CRYBG2: variants seen among roughly 807,000 people sequenced by gnomAD.
The protein encoded by CRYBG2 is crystallin beta-gamma domain containing 2.
CRYBG2 carries 106 observed loss-of-function variants against 153.4 expected under a neutral mutation model. The ratio of observed to expected loss-of-function variants is 0.69; its 90% confidence interval spans 0.59 to 0.81. The LOEUF is 0.81. Ranked by LOEUF, CRYBG2 falls within the 30% of genes least tolerant of loss-of-function variation. The probability of loss-of-function intolerance (pLI) is 0.00; values close to 1 mark genes in which losing one functional copy is unlikely to be tolerated. For synonymous variants in CRYBG2, 851 were observed against 877.8 expected, an observed-to-expected ratio of 0.97 and a Z score of 0.54; for missense variants, 1,996 against 2,112.0, an observed-to-expected ratio of 0.95 and a Z score of 1.08.
At position 26,346,674 on chromosome 1, in the gene CRYBG2, C is replaced by A; in HGVS notation, c.-17G>T. 6.6e-7 allele frequency: 1 copy of A among 1,520,410 alleles called. No homozygotes were observed. The highest frequency in any genetic ancestry group is 8.8e-7 in the Non-Finnish European group (1 of 1,131,172). The allele number at this position is 1,520,410 out of a possible 1,614,324, so 94.2% of individuals were successfully genotyped here. A position where few individuals can be genotyped will look rare whatever the true frequency, so the allele number is the denominator to read the frequency against. Reference sequence around the variant, plus strand: ...CTCCTCCATGTGGGGCCCTGGCAACCTGTCTGGAGGTGTCCTTGTCCCACT... The same window carrying A: ...CTCCTCCATGTGGGGCCCTGGCAACATGTCTGGAGGTGTCCTTGTCCCACT... On this transcript the variant is annotated 5_prime_UTR_variant, in exon 2 of 20. In the 5' UTR this introduces an upstream ATG that the reference lacks. Transcript: ENST00000308182. This position sits in a 1 kb window ranked among gnomAD's most constrained non-coding sequence, Gnocchi z 4.9.
chr1:26,346,911 C>T lies in CRYBG2; in HGVS notation c.-55-199G>A, dbSNP rs372459073. 3.3e-5 allele frequency among the ~76,000 whole-genome samples: 5 copies of T among 152,232 alleles called. No homozygotes were observed. The highest frequency in any genetic ancestry group is 2.0e-4 in the Admixed American group (3 of 15,290). Reference sequence around the variant, plus strand: ...GTTGATCAGAGCCCCTCATCCATCCCTCTCCCTGACTTTCAGGTGATCTCC... The same window carrying T: ...GTTGATCAGAGCCCCTCATCCATCCTTCTCCCTGACTTTCAGGTGATCTCC... On this transcript the variant is annotated intron_variant, in intron 1 of 19. Transcript: ENST00000308182. This position sits in a 1 kb window ranked among gnomAD's most constrained non-coding sequence, Gnocchi z 4.9.
chr1:26,344,562 A>G lies in CRYBG2; in HGVS notation c.2096T>C (p.Val699Ala). 6.5e-7 allele frequency: 1 copy of G among 1,541,626 alleles called. No homozygotes were observed. Among genetic ancestry groups the G allele is most frequent in the Middle Eastern group, 1.7e-4 (1 of 5,990 alleles). ...GGCAGGGAGAGCATCAGGGTCCTGC[A>G]CAACCTCTTTCTGGGTGAGAGATGA... is the stretch of plus-strand genomic sequence containing the variant. ...PISSLTQKEV[V>A]QDPDALPAPS... Residue 699 changes from valine to alanine, a missense_variant, in exon 2 of 20, where the codon GTG becomes GCG. Physicochemically the swap from Val to Ala is moderately conservative, Grantham distance 64 (BLOSUM62 0). Transcript: ENST00000308182.
In CRYBG2 at chr1:26,343,850, A is replaced by G; in HGVS notation, c.2808T>C (p.His936=). 1.3e-6 allele frequency: 2 copies of G among 1,481,912 alleles called. No individual in the cohort carries two copies. The highest frequency in any genetic ancestry group is 1.8e-6 in the Non-Finnish European group (2 of 1,112,918). 91.8% of individuals were successfully genotyped at this position (1,481,912 alleles called of 1,614,324 possible). ...GCACCTTCCTGAGCCCCGGTGCCCCATGGGGCAGCAGAGCAGATAGTTTTG... is the reference window on the plus strand; with the variant it reads ...GCACCTTCCTGAGCCCCGGTGCCCCGTGGGGCAGCAGAGCAGATAGTTTTG... The part of the protein sequence containing the change: ...LGTKLSALLP[H]GAPGLRKVPG... The change falls in exon 2 of 20, where the codon CAT becomes CAC. Residue 936 remains histidine, a synonymous_variant. Transcript: ENST00000308182. The surrounding 1 kb of genome is among the most constrained non-coding windows in gnomAD (Gnocchi z 4.1).
At chr1:26,332,569 C>A (rs1172842339) in intron 14 of CRYBG2, among the ~76,000 whole-genome samples, 1 of 151,904 alleles carries the variant, frequency 6.6e-6, no homozygotes, top group Admixed American at 6.6e-5. Context: ...TGCAATGGCG[C>A]GATCTCAGCT....
Position 26,345,978 on chromosome 1 carries a change from C to G in CRYBG2, c.680G>C (p.Gly227Ala), listed in dbSNP as rs756918046. ...CACGGCCTGGCTGCGGCTGGGCGAGCCTGGTGGGGAGCCCACCACCACTGG... is the reference window on the plus strand; with the variant it reads ...CACGGCCTGGCTGCGGCTGGGCGAGGCTGGTGGGGAGCCCACCACCACTGG... ...VPPVVVGSPP[G>A]SPSRSQAVKV... The change falls in exon 2 of 20, where the codon GGC becomes GCC. Residue 227 changes from glycine (G) to alanine (A), a missense_variant. Physicochemically the swap from Gly to Ala is moderately conservative, Grantham distance 60. Transcript: ENST00000308182. The G allele has an allele frequency of 1.3e-6, 2 of 1,593,536 alleles. No individual in the cohort carries two copies. Among genetic ancestry groups the G allele is most frequent in the South Asian group, 2.2e-5 (2 of 90,736 alleles).
chr1:26,344,359 A>G lies in CRYBG2; in HGVS notation c.2299T>C (p.Phe767Leu), dbSNP rs1392695839. The change falls in exon 2 of 20, where the codon TTC (phenylalanine) becomes CTC (leucine). Residue 767 changes from phenylalanine (F) to leucine (L), a missense_variant. Phe to Leu is a conservative substitution (Grantham distance 22). Coordinates refer to ENST00000308182, the MANE Select transcript of CRYBG2 (RefSeq NM_001039775.4). Reference protein sequence around the residue: ...EVALAADLEIFLDTLRSMEPP... With the variant: ...EVALAADLEILLDTLRSMEPP... The stretch of plus-strand genomic sequence containing the variant: ...TCCATGCTCCGCAGCGTATCCAGGA[A>G]TATCTCCAGGTCAGCGGCCAGGGCC... The G allele has an allele frequency of 3.3e-6, 5 of 1,508,620 alleles. No homozygotes were observed. The highest frequency in any genetic ancestry group is 4.4e-6 in the Non-Finnish European group (5 of 1,125,584). 93.5% of individuals were successfully genotyped at this position (1,508,620 alleles called of 1,614,324 possible).
chr1:26,346,571 C>A lies in CRYBG2; in HGVS notation c.87G>T (p.Gln29His). Residue 29 changes from glutamine (Q) to histidine (H), a missense_variant, in exon 2 of 20, where the codon CAG (glutamine) becomes CAT (histidine). Transcript: ENST00000308182. The surrounding 1 kb of genome is among the most constrained non-coding windows in gnomAD (Gnocchi z 4.9). The stretch of plus-strand genomic sequence containing the variant: ...TGTGAAAACCATGTTTGATCTCTTC[C>A]TGGGTGGGGGGCCGCTGCCGCCATG... ...TLTWRQRPPT[Q>H]EEIKHGFHKV... 1 of 1,605,492 alleles carries A rather than the reference C, an allele frequency of 6.2e-7. No individual in the cohort carries two copies. The highest frequency in any genetic ancestry group is 1.3e-5 in the African/African-American group (1 of 74,872).
rs1431206747 is a variant in CRYBG2, at chr1:26,336,335, T to C, written c.4071+3A>G. On this transcript the variant is annotated splice_donor_region_variant and intron_variant, in intron 13 of 19. Coordinates refer to ENST00000308182, the MANE Select transcript of CRYBG2 (RefSeq NM_001039775.4). This position sits in a 1 kb window ranked among gnomAD's most constrained non-coding sequence, Gnocchi z 4.9. The stretch of plus-strand genomic sequence containing the variant: ...GCGGCTCCCTGCGGAGTCCCTGCCT[T>C]ACCTTTGAGACGAAGTGCAGATCGT... 1 of 1,613,568 alleles carries C rather than the reference T, an allele frequency of 6.2e-7. No individual in the cohort carries two copies. The highest frequency in any genetic ancestry group is 1.1e-5 in the South Asian group (1 of 90,904).
At chr1:26,333,397 C>A (rs2074021496) in intron 14 of CRYBG2, among the ~76,000 whole-genome samples, 1 of 152,108 alleles carries the variant, frequency 6.6e-6, no homozygotes, top group Non-Finnish European at 1.5e-5. Flanking sequence ...GAAACCCCAT[C>A]TCTGCTAAAA....
chr1:26,343,895 G>A lies in CRYBG2; in HGVS notation c.2763C>T (p.Ser921=), dbSNP rs1431898071. 6.5e-7 allele frequency: 1 copy of A among 1,528,920 alleles called. No individual in the cohort carries two copies. 94.7% of individuals were successfully genotyped at this position (1,528,920 alleles called of 1,614,324 possible). A position where few individuals can be genotyped will look rare whatever the true frequency, so the allele number is the denominator to read the frequency against. ...GSLVPTAKEA[S]TPEPLGTKLS... is the part of the protein sequence containing the mutation. Reference sequence around the variant, plus strand: ...GTTTTGTGCCCAGCGGTTCCGGGGTGGAGGCCTCCTTGGCGGTAGGCACCA... The same window carrying A: ...GTTTTGTGCCCAGCGGTTCCGGGGTAGAGGCCTCCTTGGCGGTAGGCACCA... Residue 921 remains serine (S), a synonymous_variant, in exon 2 of 20, where the codon TCC becomes TCT. Coordinates refer to ENST00000308182, the MANE Select transcript of CRYBG2 (RefSeq NM_001039775.4). The surrounding 1 kb of genome is among the most constrained non-coding windows in gnomAD (Gnocchi z 4.1).
Position 26,336,122 on chromosome 1 carries a change from G to A in CRYBG2, c.4157C>T (p.Pro1386Leu). The A allele has an allele frequency of 1.3e-6, 2 of 1,516,562 alleles. No individual in the cohort carries two copies. The highest frequency in any genetic ancestry group is 2.5e-5 in the East Asian group (1 of 40,656). 93.9% of individuals were successfully genotyped at this position (1,516,562 alleles called of 1,614,324 possible). A position where few individuals can be genotyped will look rare whatever the true frequency, so the allele number is the denominator to read the frequency against. ...DQAALPASFR[P>L]QSCRVHGGSW... is the part of the protein sequence containing the mutation. ...GCCGCCGTGGACCCGGCAGGACTGA[G>A]GTCGGAAGGAGGCGGGCAGAGCGGC... Residue 1386 changes from proline (P) to leucine (L), a missense_variant, in exon 14 of 20, where the codon CCT becomes CTT. Transcript: ENST00000308182. This position sits in a 1 kb window ranked among gnomAD's most constrained non-coding sequence, Gnocchi z 4.9.
At chr1:26,326,053 T>C (rs2073921309) in intron 17 of CRYBG2, among the ~76,000 whole-genome samples, 1 of 151,988 alleles carries the variant, frequency 6.6e-6, no homozygotes, top group African/African-American at 2.4e-5. Context: ...CACACCTAGC[T>C]CATTTCTTTT....
rs1417720322 is a variant in CRYBG2, at chr1:26,325,732, C to T, written c.4579-1422G>A. ...GGGAACATGCATGCACACACACATACACACAGAGCCCATGGCCTTACCATT... is the reference window on the plus strand; with the variant it reads ...GGGAACATGCATGCACACACACATATACACAGAGCCCATGGCCTTACCATT... On this transcript the variant is annotated intron_variant, in intron 17 of 19. Coordinates refer to ENST00000308182, the MANE Select transcript of CRYBG2 (RefSeq NM_001039775.4). The surrounding 1 kb of genome is among the most constrained non-coding windows in gnomAD (Gnocchi z 4.1). 6.6e-6 allele frequency among the ~76,000 whole-genome samples: 1 copy of T among 152,070 alleles called. No individual in the cohort carries two copies. Among genetic ancestry groups the T allele is most frequent in the Non-Finnish European group, 1.5e-5 (1 of 68,022 alleles).
At chr1:26,330,538 C>CT (rs35886545) in intron 15 of CRYBG2, among the ~76,000 whole-genome samples, 44,246 of 118,018 alleles carry the variant, frequency 0.37, 9,456 homozygotes, top group Middle Eastern at 0.45. Flanking sequence ...TGTGGCAAGC[C>CT]TTTTTTTTTT....
In CRYBG2 at chr1:26,339,406, G is replaced by A. The variant is rs2074102041; in HGVS notation, c.3228C>T (p.Ser1076=). The A allele has an allele frequency of 6.2e-7, 1 of 1,614,044 alleles. No individual in the cohort carries two copies. The highest frequency in any genetic ancestry group is 1.7e-5 in the Admixed American group (1 of 60,006). The change falls in exon 6 of 20, where the codon AGC becomes AGT. Residue 1076 remains serine, a synonymous_variant. Transcript: ENST00000308182. ...VVWDYSTPEI[S]LFSEEGLKGE... is the part of the protein sequence containing the mutation. ...CCTTGAGGCCCTCCTCAGAGAAGAG[G>A]CTGATTTCCGGGGTGCTGTAGTCCT...
At position 26,336,049 on chromosome 1, in the gene CRYBG2, G is replaced by A; in HGVS notation, c.4184+46C>T. ...TGAAAGACTCTCCTCCTGCAGCCCC[G>A]CCTCTGCCCCAGCGCCCCCAGCCCT... On this transcript the variant is annotated intron_variant, in intron 14 of 19. Coordinates refer to ENST00000308182, the MANE Select transcript of CRYBG2 (RefSeq NM_001039775.4). This position sits in a 1 kb window ranked among gnomAD's most constrained non-coding sequence, Gnocchi z 4.9. 7.3e-7 allele frequency: 1 copy of A among 1,375,868 alleles called. No individual in the cohort carries two copies. The highest frequency in any genetic ancestry group is 2.9e-5 in the Admixed American group (1 of 34,792). 85.2% of individuals were successfully genotyped at this position (1,375,868 alleles called of 1,614,324 possible).
chr1:26,349,717 G>A (rs2074266862), intron 1 of CRYBG2, among the ~76,000 whole-genome samples: 1 of 152,010 alleles, frequency 6.6e-6, no homozygotes, highest in Non-Finnish European at 1.5e-5. Flanking sequence ...GGGTTATGAG[G>A]GCTATGCCTC....
Position 26,346,220 on chromosome 1 carries a change from G to A in CRYBG2, c.438C>T (p.Pro146=). ...GACTTGGCTCTCGGGGCCCAGGCAGGGGAACCAAAAGCTCAGTCCTGGCCA... is the reference window on the plus strand; with the variant it reads ...GACTTGGCTCTCGGGGCCCAGGCAGAGGAACCAAAAGCTCAGTCCTGGCCA... ...GAMARTELLV[P]LPGPREPSPH... is the part of the protein sequence containing the mutation. The change falls in exon 2 of 20, where the codon CCC becomes CCT. Residue 146 remains proline, a synonymous_variant. Coordinates refer to ENST00000308182, the MANE Select transcript of CRYBG2 (RefSeq NM_001039775.4). The surrounding 1 kb of genome is among the most constrained non-coding windows in gnomAD (Gnocchi z 4.9). 3 of 1,573,756 alleles carry A rather than the reference G, an allele frequency of 1.9e-6. No homozygotes were observed. The highest frequency in any genetic ancestry group is 2.6e-6 in the Non-Finnish European group (3 of 1,166,012).
chr1:26,343,654 T>G lies in CRYBG2; in HGVS notation c.2913+91A>C. The G allele has an allele frequency of 1.4e-6, 2 of 1,394,810 alleles. No individual in the cohort carries two copies. Among genetic ancestry groups the G allele is most frequent in the East Asian group, 2.5e-5 (1 of 39,710 alleles). 86.4% of individuals were successfully genotyped at this position (1,394,810 alleles called of 1,614,324 possible). ...CAGACAGAAGCCTCTGCCCCCAGAC[T>G]CTGACTCCCAGCACCACTCTCTTCA... On this transcript the variant is annotated intron_variant, in intron 2 of 19. Coordinates refer to ENST00000308182, the MANE Select transcript of CRYBG2 (RefSeq NM_001039775.4). The surrounding 1 kb of genome is among the most constrained non-coding windows in gnomAD (Gnocchi z 4.1).
Sources: gnomAD v4.1 joint callset for allele counts (sites outside exome capture counted in the v4.1 genomes callset) on GRCh38, gnomAD v4.1.1 for gene constraint, Gnocchi (gnomAD v3.1) non-coding constraint, MANE v1.5 for transcripts, NCBI Gene and HGNC (gene_info 2026-07-23, HGNC 2026-07-21) for gene names.